PCLO: variants seen among roughly 807,000 people sequenced by gnomAD.
The protein encoded by PCLO is piccolo presynaptic cytomatrix protein.
In PCLO, 82 loss-of-function variants were observed where a neutral mutation model predicts 427.5. The observed-to-expected ratio is 0.19, with a 90% CI of 0.16 to 0.23. PCLO has a LOEUF of 0.23. Among genes scored for constraint, PCLO ranks in the 10% least tolerant of loss-of-function variants. The probability of loss-of-function intolerance (pLI) is 1.00; values close to 1 mark genes in which losing one functional copy is unlikely to be tolerated. For synonymous variants in PCLO, 2,357 were observed against 2,155.4 expected (o/e 1.09, Z -2.59); for missense variants, 6,239 against 6,115.9 (o/e 1.02, Z -0.67).
At chr7:83,061,902 G>A (rs531720048) in intron 3 of PCLO, among the ~76,000 whole-genome samples, 1 of 152,090 alleles carries the variant, frequency 6.6e-6, no homozygotes, top group African/African-American at 2.4e-5. Context: ...CTGAGAACCT[G>A]AGGCCATTTT....
At chr7:83,004,675 T>C (rs1787905456) in intron 3 of PCLO, among the ~76,000 whole-genome samples, 1 of 151,450 alleles carries the variant, frequency 6.6e-6, no homozygotes, top group Admixed American at 6.6e-5. Flanking sequence ...AGTAAACAAG[T>C]TGACTACATC....
At chr7:83,026,060 C>A (rs1448573445) in intron 3 of PCLO, among the ~76,000 whole-genome samples, 4 of 151,834 alleles carry the variant, frequency 2.6e-5, no homozygotes, top group South Asian at 4.2e-4. Flanking sequence ...CGAGCAAAAT[C>A]ACCAGCTAAC....
At chr7:83,035,325 C>A (rs541691134) in intron 3 of PCLO, among the ~76,000 whole-genome samples, 1 of 152,210 alleles carries the variant, frequency 6.6e-6, no homozygotes, top group Admixed American at 6.6e-5. Context: ...CTTTTATTAA[C>A]TTTCTATTGA....
In PCLO at chr7:82,954,422, T is replaced by C. The variant is rs1214832529; in HGVS notation, c.6531A>G (p.Pro2177=). 1 of 1,613,754 alleles carries C rather than the reference T, an allele frequency of 6.2e-7. No individual in the cohort carries two copies. The highest frequency in any genetic ancestry group is 8.5e-7 in the Non-Finnish European group (1 of 1,179,844). The change falls in exon 5 of 25, where the codon CCA becomes CCG. Residue 2177 remains proline, a synonymous_variant. Transcript: ENST00000333891. ...ATGTGAGAGAAGGTGTGTCAGAGGG[T>C]GGGACAGATGTAGCACTTTCTGAAG... is the stretch of plus-strand genomic sequence containing the variant. ...SEPSESATSV[P]PSDTPSLTSS...
chr7:82,786,986 A>G (rs1186535490), intron 22 of PCLO, among the ~76,000 whole-genome samples: 2 of 152,016 alleles, frequency 1.3e-5, no homozygotes, highest in East Asian at 1.9e-4. Context: ...TATCCAGTCT[A>G]TCACTGATAG....
rs775186400 is a variant in PCLO, at chr7:82,845,239, A to T, written c.14046+32T>A. ...ATGCTGAATAAAGAGCTAGAAAACA[A>T]GTGGGTCAGAGGTCACATCAACAAT... On this transcript the variant is annotated intron_variant, in intron 13 of 24. Coordinates refer to ENST00000333891, the MANE Select transcript of PCLO (RefSeq NM_033026.6). 6 of 1,445,948 alleles carry T rather than the reference A, an allele frequency of 4.1e-6. No individual in the cohort carries two copies. In the East Asian group the frequency reaches 1.4e-4, roughly 33 times the overall value. 89.6% of individuals were successfully genotyped at this position (1,445,948 alleles called of 1,614,324 possible). A position where few individuals can be genotyped will look rare whatever the true frequency, so the allele number is the denominator to read the frequency against.
chr7:82,792,494 A>G (rs1443583193), intron 22 of PCLO, among the ~76,000 whole-genome samples: 1 of 151,600 alleles, frequency 6.6e-6, no homozygotes, highest in Non-Finnish European at 1.5e-5. Context: ...CACCCAGCTA[A>G]TTTTCGTATT....
chr7:82,761,893 A>G (rs1790439263), intron 22 of PCLO, among the ~76,000 whole-genome samples: 1 of 152,032 alleles, frequency 6.6e-6, no homozygotes. Context: ...ATTTTACTCA[A>G]CTGTAGACTT....
intron 3 of PCLO, among the ~76,000 whole-genome samples, chr7:83,117,294 T>C (rs1791159084): frequency 6.6e-6 from 1 of 152,198 alleles, no homozygotes; most frequent in South Asian, 2.1e-4. Flanking sequence ...GTAAGAGTGG[T>C]TGCCAAACGG....
At chr7:82,946,227 T>C (rs1477240076) in intron 6 of PCLO, among the ~76,000 whole-genome samples, 1 of 152,174 alleles carries the variant, frequency 6.6e-6, no homozygotes, top group Non-Finnish European at 1.5e-5. Flanking sequence ...CCAGAGTCTT[T>C]TCAATATAAA....
chr7:83,003,585 T>C (rs1787875783), intron 3 of PCLO, among the ~76,000 whole-genome samples: 2 of 151,880 alleles, frequency 1.3e-5, no homozygotes, highest in South Asian at 4.1e-4. Context: ...TAAATGCTTT[T>C]TCTACATCCG....
At chr7:82,962,348 T>G (rs1795672535) in intron 4 of PCLO, among the ~76,000 whole-genome samples, 1 of 152,034 alleles carries the variant, frequency 6.6e-6, no homozygotes, top group African/African-American at 2.4e-5. Context: ...TTTTTATTTT[T>G]GGCCATGAAA....
At chr7:82,808,683 A>C (rs1162503527) in intron 20 of PCLO, among the ~76,000 whole-genome samples, 1 of 152,064 alleles carries the variant, frequency 6.6e-6, no homozygotes, top group Non-Finnish European at 1.5e-5. Flanking sequence ...TCTCTGCAAA[A>C]CATGATTACA....
intron 9 of PCLO, among the ~76,000 whole-genome samples, chr7:82,893,155 A>G (rs573207936): frequency 3.4e-4 from 52 of 152,230 alleles, no homozygotes; most frequent in Admixed American, 2.6e-3. Context: ...TCACAATAGC[A>G]AAGACTTGGA....
chr7:83,143,694 A>ATAAT (rs375693935), intron 2 of PCLO, among the ~76,000 whole-genome samples: 49 of 152,254 alleles, frequency 3.2e-4, no homozygotes, highest in Middle Eastern at 3.4e-3. Context: ...AATTTGTAAA[A>ATAAT]TAATTACAGT....
At chr7:82,967,442 T>C (rs1471575794) in intron 3 of PCLO, among the ~76,000 whole-genome samples, 1 of 152,148 alleles carries the variant, frequency 6.6e-6, no homozygotes, top group Non-Finnish European at 1.5e-5. Context: ...CCCAAAATGC[T>C]GGGATTAGAG....
chr7:82,867,350 T>G (rs1293330076), intron 10 of PCLO, among the ~76,000 whole-genome samples: 1 of 152,210 alleles, frequency 6.6e-6, no homozygotes, highest in Non-Finnish European at 1.5e-5. Flanking sequence ...GATAACAATT[T>G]TGCCAACTAT....
At position 82,925,033 on chromosome 7, in the gene PCLO, A is replaced by G. The variant is rs1014541355; in HGVS notation, c.11113-8160T>C. ...GGGTCATTTGTCCCATTTTATTTCA[A>G]CTATCTTCATCCAGGAACTGCACTG... is the stretch of plus-strand genomic sequence containing the variant. On this transcript the variant is annotated intron_variant, in intron 6 of 24. Transcript: ENST00000333891. Among the ~76,000 whole-genome samples the G allele has an allele frequency of 2.6e-4, 40 of 152,108 alleles. 1 individual carries two copies. Among genetic ancestry groups the G allele is most frequent in the Non-Finnish European group, 7.4e-5 (5 of 68,018 alleles).
In PCLO at chr7:83,122,687, A is replaced by G. The variant is rs925771911; in HGVS notation, c.3300+11563T>C. ...AAGGAAGGGCATACACATTGGAAGA[A>G]AAGAAGTCTAATTATCCATGTCTTT... On this transcript the variant is annotated intron_variant, in intron 3 of 24. Transcript: ENST00000333891. Among the ~76,000 whole-genome samples the G allele has an allele frequency of 5.3e-5, 8 of 152,172 alleles. No homozygotes were observed. In the East Asian group the frequency reaches 1.5e-3, roughly 29 times the overall value.
Sources: allele counts gnomAD v4.1 joint callset (sites outside exome capture counted in the v4.1 genomes callset), GRCh38; gene constraint gnomAD v4.1.1; transcripts MANE v1.5; gene names NCBI Gene and HGNC (gene_info 2026-07-23, HGNC 2026-07-21).